The following LRFN5 variants were observed in gnomAD, a reference collection of about 807,000 sequenced individuals.
LRFN5 encodes leucine rich repeat and fibronectin type III domain containing 5, also known as leucine-rich repeat and fibronectin type-III domain-containing protein 5.
LRFN5 carries 24 observed loss-of-function variants against 45.6 expected under a neutral mutation model. The ratio of observed to expected loss-of-function variants is 0.53; its 90% CI spans 0.38 to 0.74. The LOEUF (loss-of-function observed/expected upper bound fraction) is 0.74, where lower values mean the gene tolerates loss of function less well. LRFN5 is among the 30% of genes least tolerant of loss of function. The pLI, the probability that LRFN5 is intolerant of heterozygous loss-of-function variation, is 0.00. For synonymous variants in LRFN5, 340 were observed against 313.8 expected (o/e 1.08, Z -0.88); for missense variants, 776 against 861.5 (o/e 0.90, Z 1.24).
chr14:41,772,882 C>T (rs1238362912), intron 2 of LRFN5, among the ~76,000 whole-genome samples: 1 of 152,146 alleles, frequency 6.6e-6, no homozygotes, highest in Non-Finnish European at 1.5e-5. Flanking sequence ...TTCTAAAATT[C>T]ATCTACTTTT....
At chr14:41,903,652 T>C (rs1483712198) in intron 5 of LRFN5, among the ~76,000 whole-genome samples, 1 of 151,988 alleles carries the variant, frequency 6.6e-6, no homozygotes, top group African/African-American at 2.4e-5. Flanking sequence ...TCCATTTATT[T>C]TGTTTTGTGG....
At chr14:41,759,872 G>T (rs571957524) in intron 1 of LRFN5, among the ~76,000 whole-genome samples, 1 of 152,326 alleles carries the variant, frequency 6.6e-6, no homozygotes, top group African/African-American at 2.4e-5. Context: ...TAAGATTGCA[G>T]TCCTGAAACT....
At chr14:41,752,980 A>G (rs1307750243) in intron 1 of LRFN5, among the ~76,000 whole-genome samples, 2 of 152,238 alleles carry the variant, frequency 1.3e-5, no homozygotes, top group Non-Finnish European at 2.9e-5. Flanking sequence ...AGCTTTCTAC[A>G]TATGGCTAGC....
intron 2 of LRFN5, among the ~76,000 whole-genome samples, chr14:41,772,202 A>C (rs1414252889): frequency 6.6e-6 from 1 of 152,148 alleles, no homozygotes; most frequent in Non-Finnish European, 1.5e-5. Flanking sequence ...AGATAGCACT[A>C]AGTCATTCGT....
chr14:41,815,495 TG>T (rs1259485921), intron 2 of LRFN5, among the ~76,000 whole-genome samples: 2 of 152,120 alleles, frequency 1.3e-5, no homozygotes, highest in Non-Finnish European at 2.9e-5. Context: ...CACAGTGCTT[TG>T]GGAAGTTGAG....
intron 5 of LRFN5, among the ~76,000 whole-genome samples, chr14:41,900,567 C>T (rs1891072477): frequency 6.6e-6 from 1 of 152,058 alleles, no homozygotes; most frequent in Admixed American, 6.6e-5. Context: ...TCCCTTCATA[C>T]TTAAGCTACC....
intron 1 of LRFN5, among the ~76,000 whole-genome samples, chr14:41,759,448 T>TCTA (rs1491235053): frequency 2.7e-5 from 3 of 109,748 alleles, no homozygotes; most frequent in African/African-American, 1.0e-4. Flanking sequence ...TCTCTCTCTC[T>TCTA]ACACACACAC....
intron 2 of LRFN5, among the ~76,000 whole-genome samples, chr14:41,784,946 G>T (rs1886665818): frequency 1.3e-5 from 2 of 152,020 alleles, no homozygotes; most frequent in South Asian, 4.1e-4. Context: ...CTCTTTAATT[G>T]TTAAATGTAC....
At chr14:41,668,067 A>C (rs1274362782) in intron 1 of LRFN5, among the ~76,000 whole-genome samples, 1 of 152,150 alleles carries the variant, frequency 6.6e-6, no homozygotes, top group Non-Finnish European at 1.5e-5. Context: ...AGTGGAGGCA[A>C]TAACAGTATC....
intron 2 of LRFN5, among the ~76,000 whole-genome samples, chr14:41,873,912 G>A (rs1890105618): frequency 6.6e-6 from 1 of 152,158 alleles, no homozygotes; most frequent in South Asian, 2.1e-4. Context: ...CTGAAATACA[G>A]TGGATAGTTT....
chr14:41,738,961 C>G (rs775588984), intron 1 of LRFN5, among the ~76,000 whole-genome samples: 1 of 152,154 alleles, frequency 6.6e-6, no homozygotes, highest in Non-Finnish European at 1.5e-5. Context: ...ATATTCTTCT[C>G]AAGTATGCAC....
intron 2 of LRFN5, among the ~76,000 whole-genome samples, chr14:41,808,453 C>T (rs1287705608): frequency 9.9e-6 from 1 of 100,608 alleles, no homozygotes; most frequent in Non-Finnish European, 2.0e-5. Flanking sequence ...GGAGGGAGGA[C>T]CTATAAGATT....
At chr14:41,867,548 G>A (rs1174879920) in intron 2 of LRFN5, among the ~76,000 whole-genome samples, 5 of 151,972 alleles carry the variant, frequency 3.3e-5, no homozygotes, top group Admixed American at 1.3e-4. Context: ...ATTAAGTTTT[G>A]TTTTGGTTAG....
intron 1 of LRFN5, among the ~76,000 whole-genome samples, chr14:41,691,701 T>C (rs549589683): frequency 8.7e-4 from 132 of 152,098 alleles, no homozygotes; most frequent in Non-Finnish European, 1.7e-3. Flanking sequence ...ACCACCACAC[T>C]ATACAACATA....
At chr14:41,670,258 TATA>T (rs1881126855) in intron 1 of LRFN5, among the ~76,000 whole-genome samples, 1 of 2,950 alleles carries the variant, frequency 3.4e-4, no homozygotes, top group Non-Finnish European at 7.6e-4. Context: ...TACACACAGA[TATA>T]TATATATATA....
At chr14:41,778,225 A>G (rs896596920) in intron 2 of LRFN5, among the ~76,000 whole-genome samples, 12 of 151,882 alleles carry the variant, frequency 7.9e-5, no homozygotes, top group African/African-American at 2.6e-4. Context: ...GGATTTTTAA[A>G]ATAAATGAGC....
At chr14:41,690,001 T>C (rs1882303381) in intron 1 of LRFN5, among the ~76,000 whole-genome samples, 1 of 151,964 alleles carries the variant, frequency 6.6e-6, no homozygotes, top group African/African-American at 2.4e-5. Context: ...ATGCTAACTT[T>C]TTACAAACTC....
chr14:41,614,405 T>G (rs2138543884), intron 1 of LRFN5, among the ~76,000 whole-genome samples: 1 of 152,244 alleles, frequency 6.6e-6, no homozygotes, highest in South Asian at 2.1e-4. Flanking sequence ...ATATTTGCCA[T>G]GTATTGACTG....
chr14:41,799,082 T>C (rs574722871), intron 2 of LRFN5, among the ~76,000 whole-genome samples: 1 of 152,144 alleles, frequency 6.6e-6, no homozygotes, highest in African/African-American at 2.4e-5. Flanking sequence ...ATGTCCAAAC[T>C]TTAAAACAGA....
Sources: allele counts gnomAD v4.1 joint callset (sites outside exome capture counted in the v4.1 genomes callset), GRCh38; gene constraint gnomAD v4.1.1; transcripts MANE v1.5; gene names NCBI Gene and HGNC (gene_info 2026-07-23, HGNC 2026-07-21).